The following PCDH19 variants were observed in gnomAD, a reference collection of about 807,000 sequenced individuals.
PCDH19 encodes the protein protocadherin-19.
A neutral mutation model predicts 46.2 loss-of-function variants in PCDH19; 6 were observed. The observed-to-expected ratio is 0.13, with a 90% CI of 0.07 to 0.26. PCDH19 has a LOEUF of 0.26. Ranked by LOEUF, PCDH19 falls within the 10% of genes least tolerant of loss-of-function variation. The probability of loss-of-function intolerance (pLI) is 1.00; values close to 1 mark genes in which losing one functional copy is unlikely to be tolerated. For missense variants in PCDH19, 740 were observed against 972.3 expected (o/e 0.76, Z 3.18); for synonymous variants, 481 against 415.7 (o/e 1.16, Z -1.91).
intron 5 of PCDH19, among the ~76,000 whole-genome samples, chrX:100,335,416 C>T (rs1028337091): frequency 2.7e-5 from 3 of 110,912 alleles, no homozygotes; most frequent in African/African-American, 9.8e-5. Context: ...GGAAATTCAA[C>T]CTCACAACAG....
At position 100,407,482 on chromosome X, in the gene PCDH19, C is replaced by T. The variant is rs980013607; in HGVS notation, c.1116G>A (p.Arg372=). ...TGAGGCCTGAGTCGCGATCAGACAC[C>T]CGCACCAAGGCGATCACGTAGCCCG... ...APPGYVIALV[R]VSDRDSGLNG... Residue 372 remains arginine, a synonymous_variant, in exon 1 of 6, where the codon CGG becomes CGA. Coordinates refer to ENST00000373034, the MANE Select transcript of PCDH19 (RefSeq NM_001184880.2). The T allele has an allele frequency of 5.8e-6, 7 of 1,210,658 alleles. No individual in the cohort carries two copies. In the African/African-American group the frequency reaches 1.2e-4, roughly 21 times the overall value.
intron 1 of PCDH19, among the ~76,000 whole-genome samples, chrX:100,405,708 A>C (rs1163543410): frequency 9.1e-6 from 1 of 110,215 alleles, no homozygotes; most frequent in Non-Finnish European, 1.9e-5. Flanking sequence ...AGCATCATCA[A>C]CTCTAGAAGA....
chrX:100,363,886 T>TGTGTGTGTGTGTGTGTGAGA (rs1207488480), intron 3 of PCDH19, among the ~76,000 whole-genome samples: 117 of 98,031 alleles, frequency 1.2e-3, no homozygotes, highest in African/African-American at 3.7e-3. Flanking sequence ...TGTGTGTGTG[T>TGTGTGTGTGTGTGTGTGAGA]GAGAGAGAGG....
intron 1 of PCDH19, 113 bp downstream of exon 1, chrX:100,406,338 G>A: frequency 1.7e-6 from 1 of 597,280 alleles, no homozygotes; most frequent in African/African-American, 2.2e-5. Context: ...AAGAAGCACT[G>A]CAAGTATGCT....
At chrX:100,394,235 G>C (rs1170921009) in intron 3 of PCDH19, among the ~76,000 whole-genome samples, 1 of 112,147 alleles carries the variant, frequency 8.9e-6, no homozygotes, top group Non-Finnish European at 1.9e-5. Flanking sequence ...ACACAGACTT[G>C]ACACCAAGCT....
intron 3 of PCDH19, among the ~76,000 whole-genome samples, chrX:100,363,856 CGTGT>C (rs1555980282): frequency 0.017 from 1,541 of 88,972 alleles, 37 homozygotes; most frequent in African/African-American, 0.064. Context: ...AATGTGCGTG[CGTGT>C]GTGTGTGTGT....
At chrX:100,308,293 C>T (rs1177292486) in intron 5 of PCDH19, among the ~76,000 whole-genome samples, 2 of 111,305 alleles carry the variant, frequency 1.8e-5, no homozygotes, top group African/African-American at 6.5e-5. Context: ...GGGAAAGACA[C>T]TCTATTCAAC....
At chrX:100,346,063 G>A (rs752909143) in intron 4 of PCDH19, among the ~76,000 whole-genome samples, 4 of 112,034 alleles carry the variant, frequency 3.6e-5, no homozygotes, top group Non-Finnish European at 7.5e-5. Context: ...CAATAAATTA[G>A]GGGTTCCTGT....
chrX:100,390,619 G>T (rs1927833699), intron 3 of PCDH19, among the ~76,000 whole-genome samples: 1 of 111,037 alleles, frequency 9.0e-6, no homozygotes, highest in Non-Finnish European at 1.9e-5. Flanking sequence ...CCCAAATCCT[G>T]CTGGATGCAG....
At chrX:100,369,266 A>C (rs1927154667) in intron 3 of PCDH19, among the ~76,000 whole-genome samples, 1 of 111,444 alleles carries the variant, frequency 9.0e-6, no homozygotes, top group South Asian at 3.8e-4. Flanking sequence ...ACCACTACAA[A>C]GCTGCTAAGG....
At chrX:100,399,078 G>A (rs1928103648) in intron 3 of PCDH19, among the ~76,000 whole-genome samples, 1 of 111,739 alleles carries the variant, frequency 8.9e-6, no homozygotes, top group Non-Finnish European at 1.9e-5. Context: ...ACATTATCTG[G>A]CACATTCTAA....
Position 100,402,705 on chromosome X carries a change from T to C in PCDH19, c.2435A>G (p.Asn812Ser), listed in dbSNP as rs368076624. Residue 812 changes from asparagine to serine, a missense_variant, in exon 3 of 6, where the codon AAC becomes AGC. Physicochemically the swap from Asn to Ser is conservative, Grantham distance 46. Transcript: ENST00000373034. ...VSCSSLTSSLNYFDYHQQTLP... is the reference protein window; with the variant it reads ...VSCSSLTSSLSYFDYHQQTLP... ...CGTCTGCTGGTGGTAGTCAAAATAG[T>C]TGAGGGAGGAGGTCAGGGAAGAGCA... 4 of 1,210,272 alleles carry C rather than the reference T, an allele frequency of 3.3e-6. No individual in the cohort carries two copies. Among genetic ancestry groups the C allele is most frequent in the African/African-American group, 3.5e-5 (2 of 57,241 alleles).
chrX:100,395,088 C>T (rs985856304), intron 3 of PCDH19, among the ~76,000 whole-genome samples: 4 of 110,061 alleles, frequency 3.6e-5, no homozygotes, highest in African/African-American at 9.9e-5. Flanking sequence ...GGGGTTTCAC[C>T]GTTTTAGCCG....
At chrX:100,389,659 T>C (rs1355757658) in intron 3 of PCDH19, among the ~76,000 whole-genome samples, 1 of 111,778 alleles carries the variant, frequency 8.9e-6, no homozygotes, top group African/African-American at 3.2e-5. Flanking sequence ...ATCTTAAATA[T>C]ACACAATTCC....
At chrX:100,302,905 T>G (rs1441013014) in intron 5 of PCDH19, among the ~76,000 whole-genome samples, 1 of 111,725 alleles carries the variant, frequency 9.0e-6, no homozygotes, top group Non-Finnish European at 1.9e-5. Flanking sequence ...AGGAAGAATA[T>G]TGGTCAACGC....
Position 100,406,504 on chromosome X carries a change from G to A in PCDH19, c.2094C>T (p.Phe698=), listed in dbSNP as rs1252525935. Residue 698 remains phenylalanine, a synonymous_variant, in exon 1 of 6, where the codon TTC becomes TTT. Transcript: ENST00000373034. The part of the protein sequence containing the change: ...IAGILFVTMI[F]VAIKCKRDNK... ...TGTCTCGCTTGCACTTGATTGCCAC[G>A]AAGATCATAGTTACAAAGAGGATGC... 8.3e-7 allele frequency: 1 copy of A among 1,208,273 alleles called. No individual in the cohort carries two copies. The highest frequency in any genetic ancestry group is 1.1e-6 in the Non-Finnish European group (1 of 893,649).
intron 3 of PCDH19, among the ~76,000 whole-genome samples, chrX:100,400,415 C>T (rs1928144319): frequency 8.9e-6 from 1 of 111,904 alleles, no homozygotes; most frequent in African/African-American, 3.2e-5. Flanking sequence ...CAGGTGTGCC[C>T]ATTTTGTAGA....
At chrX:100,363,659 C>T in intron 3 of PCDH19, among the ~76,000 whole-genome samples, 1 of 95,396 alleles carries the variant, frequency 1.0e-5, no homozygotes, top group Admixed American at 1.2e-4. Context: ...AATATATATT[C>T]TGTACATGAT....
At chrX:100,391,029 A>G (rs193158627) in intron 3 of PCDH19, among the ~76,000 whole-genome samples, 1 of 112,184 alleles carries the variant, frequency 8.9e-6, no homozygotes, top group Admixed American at 9.5e-5. Context: ...CAACTGCATT[A>G]GAAGTTGCAT....
Sources: allele counts gnomAD v4.1 joint callset (sites outside exome capture counted in the v4.1 genomes callset), GRCh38; gene constraint gnomAD v4.1.1; transcripts MANE v1.5; gene names NCBI Gene and HGNC (gene_info 2026-07-23, HGNC 2026-07-21).